GRIP1: variants seen among roughly 807,000 people sequenced by gnomAD.
GRIP1 encodes glutamate receptor-interacting protein 1.
A neutral mutation model predicts 129.9 loss-of-function variants in GRIP1; 45 were observed. That is an observed-to-expected ratio of 0.35 (90% CI 0.27 to 0.44). The LOEUF (loss-of-function observed/expected upper bound fraction) is 0.44, where lower values mean the gene tolerates loss of function less well. Among genes scored for constraint, GRIP1 ranks in the 20% least tolerant of loss-of-function variants. GRIP1 has a pLI of 1.00. For synonymous variants in GRIP1, 530 were observed against 520.8 expected, an observed-to-expected ratio of 1.02 and a Z score of -0.24; for missense variants, 1,196 against 1,396.8, an observed-to-expected ratio of 0.86 and a Z score of 2.29.
At chr12:66,930,271 A>C (rs1468262239) in intron 1 of GRIP1, among the ~76,000 whole-genome samples, 3 of 91,766 alleles carry the variant, frequency 3.3e-5, no homozygotes, top group South Asian at 4.5e-4. Context: ...CCCACCCCAC[A>C]ACAGTCCCCA....
At chr12:66,946,957 T>C (rs1252043353) in intron 1 of GRIP1, among the ~76,000 whole-genome samples, 1 of 151,644 alleles carries the variant, frequency 6.6e-6, no homozygotes, top group Admixed American at 6.6e-5. Flanking sequence ...GGCAGGAGAA[T>C]TGCTCGACCC....
At chr12:66,633,561 G>C (rs1238709020) in intron 1 of GRIP1, among the ~76,000 whole-genome samples, 1 of 152,036 alleles carries the variant, frequency 6.6e-6, no homozygotes, top group Non-Finnish European at 1.5e-5. Context: ...TGTAACTTTT[G>C]AGTACCTGAA....
chr12:66,401,778 T>TGAAGCCAG (rs1401103901), intron 16 of GRIP1, among the ~76,000 whole-genome samples: 1 of 152,134 alleles, frequency 6.6e-6, no homozygotes, highest in Non-Finnish European at 1.5e-5. Context: ...TTGTCAGTTG[T>TGAAGCCAG]GAAGCCAGTC....
chr12:66,934,194 G>C (rs755611299), intron 1 of GRIP1, among the ~76,000 whole-genome samples: 1 of 152,102 alleles, frequency 6.6e-6, no homozygotes, highest in Non-Finnish European at 1.5e-5. Context: ...CCACAGAACT[G>C]CTTCTGTTTC....
At chr12:67,053,264 G>C (rs999735606) in intron 1 of GRIP1, among the ~76,000 whole-genome samples, 1 of 152,116 alleles carries the variant, frequency 6.6e-6, no homozygotes, top group East Asian at 1.9e-4. Flanking sequence ...CCAAAGCTGG[G>C]GGATAAGGAG....
Position 66,515,484 on chromosome 12 carries a change from A to G in GRIP1, c.724+135T>C, listed in dbSNP as rs1185251207. ...ACATATTCCTGAACTCAAACAGAGT[A>G]AAATGATATAGTATTTATGAATTCT... On this transcript the variant is annotated intron_variant, in intron 7 of 24. Coordinates refer to ENST00000359742, the MANE Select transcript of GRIP1 (RefSeq NM_001366722.1). 3.5e-6 allele frequency: 3 copies of G among 855,272 alleles called. No individual in the cohort carries two copies. In the East Asian group the frequency reaches 7.2e-5, roughly 21 times the overall value. 53.0% of individuals were successfully genotyped at this position (855,272 alleles called of 1,614,324 possible).
rs573549700 is a variant in GRIP1 at position 66,493,236 on chromosome 12, G to A, written c.724+22383C>T. ...TTGGGAACTATTGCTTTAGACTGTA[G>A]CATTGCTCAGCAGTGAGTTTTCTTT... On this transcript the variant is annotated intron_variant, in intron 7 of 24. Coordinates refer to ENST00000359742, the MANE Select transcript of GRIP1 (RefSeq NM_001366722.1). Among the ~76,000 whole-genome samples the A allele has an allele frequency of 3.9e-5, 6 of 152,234 alleles. No individual in the cohort carries two copies. The East Asian group carries it at 1.2e-3, about 29-fold the overall frequency.
chr12:66,445,370 G>A lies in GRIP1; in HGVS notation c.1493C>T (p.Ser498Phe), dbSNP rs770437517. ...QGSVFATETL[S>F]SPPLISYIEA... is the part of the protein sequence containing the mutation. ...GATATAGGAAATCAGAGGTGGAGAAGAGAGAGTTTCTGTGGCAAACACACT... is the reference window on the plus strand; with the variant it reads ...GATATAGGAAATCAGAGGTGGAGAAAAGAGAGTTTCTGTGGCAAACACACT... Residue 498 changes from serine to phenylalanine, a missense_variant, in exon 12 of 25, where the codon TCT becomes TTT. Transcript: ENST00000359742. 6.2e-6 allele frequency: 10 copies of A among 1,614,076 alleles called. No homozygotes were observed. The East Asian group carries it at 2.2e-4, about 36-fold the overall frequency.
At chr12:66,959,265 C>A (rs1314124148) in intron 1 of GRIP1, among the ~76,000 whole-genome samples, 1 of 151,936 alleles carries the variant, frequency 6.6e-6, no homozygotes, top group Non-Finnish European at 1.5e-5. Context: ...ATTCCATATT[C>A]TATAATTTAA....
chr12:66,386,569 G>A (rs968296053), intron 19 of GRIP1, among the ~76,000 whole-genome samples: 12 of 152,278 alleles, frequency 7.9e-5, no homozygotes, highest in African/African-American at 2.6e-4. Context: ...GGGAGGCGGA[G>A]CTTACAGTGA....
At chr12:66,811,058 T>C (rs1169332499) in intron 1 of GRIP1, among the ~76,000 whole-genome samples, 2 of 152,226 alleles carry the variant, frequency 1.3e-5, no homozygotes, top group Non-Finnish European at 2.9e-5. Flanking sequence ...GTGGCATGTC[T>C]GCATTTGTAA....
intron 1 of GRIP1, among the ~76,000 whole-genome samples, chr12:66,758,055 G>GA (rs910410353): frequency 1.6e-4 from 24 of 151,926 alleles, no homozygotes; most frequent in South Asian, 2.1e-4. Context: ...CAAAATCTGT[G>GA]AAAAAAACAA....
chr12:66,395,171 A>C (rs537280948), intron 16 of GRIP1, among the ~76,000 whole-genome samples: 15 of 152,238 alleles, frequency 9.9e-5, no homozygotes, highest in Admixed American at 9.2e-4. Flanking sequence ...GGCCGCCTTC[A>C]ACGTGATGGG....
intron 1 of GRIP1, among the ~76,000 whole-genome samples, chr12:66,799,610 A>G (rs1400652068): frequency 5.3e-5 from 8 of 152,136 alleles, no homozygotes; most frequent in Non-Finnish European, 1.0e-4. Context: ...CAGACTGAGG[A>G]AGGCAAGACT....
intron 3 of GRIP1, among the ~76,000 whole-genome samples, chr12:66,539,559 T>TTTTTTTTTTTC (rs2061710709): frequency 6.8e-6 from 1 of 147,070 alleles, no homozygotes. Flanking sequence ...TTTTTTTTTT[T>TTTTTTTTTTTC]TTTTTTTTTT....
At chr12:66,545,523 G>A (rs2061921926) in intron 2 of GRIP1, among the ~76,000 whole-genome samples, 1 of 152,078 alleles carries the variant, frequency 6.6e-6, no homozygotes, top group Non-Finnish European at 1.5e-5. Context: ...TAAAATCCCT[G>A]GAAAAAACTT....
chr12:66,811,342 G>C (rs2039099073), intron 1 of GRIP1, among the ~76,000 whole-genome samples: 1 of 152,144 alleles, frequency 6.6e-6, no homozygotes, highest in Non-Finnish European at 1.5e-5. Context: ...CATTGTATCG[G>C]AACTCATTTT....
intron 1 of GRIP1, among the ~76,000 whole-genome samples, chr12:66,812,320 A>C (rs888604483): frequency 6.6e-6 from 1 of 152,278 alleles, no homozygotes; most frequent in South Asian, 2.1e-4. Context: ...TTTTTAGTAG[A>C]GATGGGGTTT....
chr12:66,400,312 A>C (rs1219930387), intron 16 of GRIP1, among the ~76,000 whole-genome samples: 1 of 149,740 alleles, frequency 6.7e-6, no homozygotes, highest in Non-Finnish European at 1.5e-5. Context: ...AAAAGAGAAA[A>C]GTACTTTTTA....
Sources: allele counts gnomAD v4.1 joint callset (sites outside exome capture counted in the v4.1 genomes callset), GRCh38; gene constraint gnomAD v4.1.1; transcripts MANE v1.5; gene names NCBI Gene and HGNC (gene_info 2026-07-23, HGNC 2026-07-21).